Variants in POLR2E observed in about 807,000 individuals in gnomAD.
POLR2E encodes RNA polymerase II, I and III subunit E.
A neutral mutation model predicts 29.8 loss-of-function variants in POLR2E; 35 were observed. That is an observed-to-expected ratio of 1.17 (90% CI 0.90 to 1.55). POLR2E has a LOEUF of 1.55. Among genes scored for constraint, POLR2E ranks in the 40% most tolerant of loss-of-function variants. POLR2E has a pLI of 0.00. For missense variants in POLR2E, 287 were observed against 288.6 expected (o/e 0.99, Z 0.04); for synonymous variants, 174 against 112.6 (o/e 1.55, Z -3.45).
chr19:1,088,772 G>A (rs1599789114), intron 7 of POLR2E, 52 bp from the exon 8 acceptor site: 1 of 151,196 alleles, frequency 6.6e-6, no homozygotes, highest in South Asian at 2.0e-4. Flanking sequence ...AGTATGCCCA[G>A]GACAGCACAA....
chr19:1,095,182 G>T, intron 1 of POLR2E, 77 bp downstream of exon 1: 1 of 1,442,882 alleles, frequency 6.9e-7, no homozygotes, highest in Non-Finnish European at 9.7e-7. Flanking sequence ...AGTACGAGGA[G>T]ACGCCGTGCT....
At chr19:1,090,796 G>T in intron 4 of POLR2E, 112 bp downstream of exon 4, 3 of 866,578 alleles carry the variant, frequency 3.5e-6, no homozygotes, top group African/African-American at 1.7e-5. Flanking sequence ...TGTCCTCCAT[G>T]CACTAATAGG....
chr19:1,088,374 C>T lies in POLR2E; in HGVS notation c.*361G>A, dbSNP rs371654712. On this transcript the variant is annotated 3_prime_UTR_variant, in exon 8 of 8. Transcript: ENST00000615234. Reference sequence around the variant, plus strand: ...GGAGGGAAGACGAGGGGTGGAAGGCCGAGGGCCCAGGAGGAAGCAGTGGCT... The same window carrying T: ...GGAGGGAAGACGAGGGGTGGAAGGCTGAGGGCCCAGGAGGAAGCAGTGGCT... The T allele has an allele frequency of 1.9e-4, 29 of 152,554 alleles. No homozygotes were observed. The highest frequency in any genetic ancestry group is 3.4e-3 in the Middle Eastern group (1 of 294). The allele number at this position is 152,554 out of a possible 1,614,324, so 9.5% of individuals were successfully genotyped here. A position where few individuals can be genotyped will look rare whatever the true frequency, so the allele number is the denominator to read the frequency against.
In POLR2E at chr19:1,089,957, A is replaced by C. The variant is rs1158509033; in HGVS notation, c.494T>G (p.Leu165Arg). ...EVTELLARYK[L>R]RENQLPRIQA... The stretch of plus-strand genomic sequence containing the variant: ...GATCCTGGGCAGCTGGTTCTCTCGG[A>C]GCTTACTGCGAAGCACCGTCAGGAA... Residue 165 changes from leucine (L) to arginine (R), a missense_variant, in exon 6 of 8, where the codon CTC becomes CGC. Leu to Arg is a moderately radical substitution (Grantham distance 102, BLOSUM62 -2). Coordinates refer to ENST00000615234, the MANE Select transcript of POLR2E (RefSeq NM_002695.5). 1 of 1,597,482 alleles carries C rather than the reference A, an allele frequency of 6.3e-7. No individual in the cohort carries two copies. Among genetic ancestry groups the C allele is most frequent in the Non-Finnish European group, 8.5e-7 (1 of 1,175,438 alleles).
At chr19:1,089,574 C>T (rs759581079) in intron 6 of POLR2E, 23 bp from the exon 7 acceptor site, 1 of 1,605,520 alleles carries the variant, frequency 6.2e-7, no homozygotes, top group Non-Finnish European at 8.5e-7. Context: ...AGAGCAGGGG[C>T]TGCGAATGCT....
In POLR2E at chr19:1,091,860, T is replaced by A; in HGVS notation, c.280A>T (p.Met94Leu). 6.2e-7 allele frequency: 1 copy of A among 1,613,364 alleles called. No homozygotes were observed. The highest frequency in any genetic ancestry group is 8.5e-7 in the Non-Finnish European group (1 of 1,179,840). Reference sequence around the variant, plus strand: ...GCCCGTGTGATGTTCTCCTCCTGCATGCGCTGGCAGTACACCTTGATGGTC... The same window carrying A: ...GCCCGTGTGATGTTCTCCTCCTGCAAGCGCTGGCAGTACACCTTGATGGTC... ...IKTIKVYCQR[M>L]QEENITRALI... The change falls in exon 3 of 8, where the codon ATG becomes TTG. Residue 94 changes from methionine to leucine, a missense_variant. Met to Leu is a conservative substitution (Grantham distance 15, BLOSUM62 2). Coordinates refer to ENST00000615234, the MANE Select transcript of POLR2E (RefSeq NM_002695.5).
intron 3 of POLR2E, chr19:1,091,485 A>C (rs1599793667): frequency 2.3e-6 from 1 of 434,798 alleles, no homozygotes; most frequent in Non-Finnish European, 4.3e-6. Context: ...AGGATAAAGA[A>C]CCTCCGGCTC....
chr19:1,090,579 G>A (rs2043808105), intron 4 of POLR2E, among the ~76,000 whole-genome samples: 1 of 149,558 alleles, frequency 6.7e-6, no homozygotes, highest in Admixed American at 6.8e-5. Context: ...CACCACGCCT[G>A]GCTAATTTTT....
At chr19:1,093,865 G>C in intron 2 of POLR2E, 39 bp downstream of exon 2, 1 of 1,531,178 alleles carries the variant, frequency 6.5e-7, no homozygotes, top group Non-Finnish European at 8.8e-7. Flanking sequence ...CAGGTGCTCT[G>C]GTGGCTTCAC....
At chr19:1,093,811 G>C in intron 2 of POLR2E, 93 bp downstream of exon 2, 1 of 1,448,458 alleles carries the variant, frequency 6.9e-7, no homozygotes, top group Non-Finnish European at 9.1e-7. Context: ...ACAAATGCTG[G>C]GCACCAGGCG....
intron 7 of POLR2E, 51 bp from the exon 8 acceptor site, chr19:1,088,771 A>C (rs2043765291): frequency 6.6e-6 from 1 of 150,982 alleles, no homozygotes; most frequent in African/African-American, 2.4e-5. Flanking sequence ...CAGTATGCCC[A>C]GGACAGCACA....
rs1044509264 is a variant in POLR2E at position 1,087,996 on chromosome 19, C to G, written c.*739G>C. 2 of 152,422 alleles carry G rather than the reference C, an allele frequency of 1.3e-5. No individual in the cohort carries two copies. Among genetic ancestry groups the G allele is most frequent in the African/African-American group, 4.8e-5 (2 of 41,430 alleles). 9.4% of individuals were successfully genotyped at this position (152,422 alleles called of 1,614,324 possible). On this transcript the variant is annotated 3_prime_UTR_variant, in exon 8 of 8. Transcript: ENST00000615234. ...CACACCCTCACGGGAAGGGAAGAGACAGACACGCTCACGCCTTACCCAGGA... is the reference window on the plus strand; with the variant it reads ...CACACCCTCACGGGAAGGGAAGAGAGAGACACGCTCACGCCTTACCCAGGA...
At chr19:1,093,839 G>A (rs2043889118) in intron 2 of POLR2E, 65 bp downstream of exon 2, 2 of 1,487,090 alleles carry the variant, frequency 1.3e-6, no homozygotes, top group East Asian at 2.5e-5. Context: ...GTGGGTGCTA[G>A]CGACCGGCTC....
intron 3 of POLR2E, 77 bp downstream of exon 3, chr19:1,091,715 G>A (rs2043834984): frequency 2.0e-6 from 2 of 998,664 alleles, no homozygotes; most frequent in South Asian, 2.6e-5. Flanking sequence ...CAAGGCACGT[G>A]GGCCGCCTGT....
At chr19:1,093,234 G>A (rs2043874992) in intron 2 of POLR2E, among the ~76,000 whole-genome samples, 1 of 152,164 alleles carries the variant, frequency 6.6e-6, no homozygotes, top group African/African-American at 2.4e-5. Flanking sequence ...GCGTCACCAG[G>A]TCCGGTTGGC....
rs562701738 is a variant in POLR2E, at chr19:1,087,595, C to T, written c.*1140G>A. Reference sequence around the variant, plus strand: ...CCCCCATCCTACTTCCAGTCTCTGACGACTCTAGTGACCTCCTAGGAGTGA... The same window carrying T: ...CCCCCATCCTACTTCCAGTCTCTGATGACTCTAGTGACCTCCTAGGAGTGA... On this transcript the variant is annotated 3_prime_UTR_variant, in exon 8 of 8. Coordinates refer to ENST00000615234, the MANE Select transcript of POLR2E (RefSeq NM_002695.5). 5.3e-5 allele frequency: 8 copies of T among 152,184 alleles called. No homozygotes were observed. In the East Asian group the frequency reaches 7.7e-4, roughly 15 times the overall value. The allele number at this position is 152,184 out of a possible 1,614,324, so 9.4% of individuals were successfully genotyped here.
At position 1,095,274 on chromosome 19, in the gene POLR2E, G is replaced by C. The variant is rs1008680381; in HGVS notation, c.42C>G (p.Arg14=). ...CGCGGCTCACCTGCATGATGGTCTTGCGGATTTTCCAGAGCCGGTACGTCT... is the reference window on the plus strand; with the variant it reads ...CGCGGCTCACCTGCATGATGGTCTTCCGGATTTTCCAGAGCCGGTACGTCT... ...EEETYRLWKI[R]KTIMQLCHDR... Residue 14 remains arginine (R), a synonymous_variant, in exon 1 of 8, where the codon CGC becomes CGG. Coordinates refer to ENST00000615234, the MANE Select transcript of POLR2E (RefSeq NM_002695.5). 2.5e-6 allele frequency: 4 copies of C among 1,613,290 alleles called. No homozygotes were observed. The highest frequency in any genetic ancestry group is 3.4e-6 in the Non-Finnish European group (4 of 1,179,780).
chr19:1,089,481 G>A lies in POLR2E; in HGVS notation c.*5C>T, dbSNP rs145692869. On this transcript the variant is annotated 3_prime_UTR_variant, in exon 7 of 8. Coordinates refer to ENST00000615234, the MANE Select transcript of POLR2E (RefSeq NM_002695.5). ...CCCTCGGCCGTCTCACCTGTCAGGCGGTAGCTACTGCACCAGCCGGTAGGT... is the reference window on the plus strand; with the variant it reads ...CCCTCGGCCGTCTCACCTGTCAGGCAGTAGCTACTGCACCAGCCGGTAGGT... 142 of 1,611,314 alleles carry A rather than the reference G, an allele frequency of 8.8e-5. No individual in the cohort carries two copies. In the Middle Eastern group the frequency reaches 1.5e-3, roughly 17 times the overall value.
chr19:1,090,879 G>T, intron 4 of POLR2E, 29 bp downstream of exon 4: 1 of 1,594,606 alleles, frequency 6.3e-7, no homozygotes, highest in Non-Finnish European at 8.6e-7. Flanking sequence ...CCGGCCCCAC[G>T]CAGGCGGGAT....
Sources: allele counts gnomAD v4.1 joint callset (sites outside exome capture counted in the v4.1 genomes callset), GRCh38; gene constraint gnomAD v4.1.1; transcripts MANE v1.5; gene names NCBI Gene and HGNC (gene_info 2026-07-23, HGNC 2026-07-21).